Variants in PLCB4 observed in about 807,000 individuals in gnomAD.
PLCB4 encodes the protein 1-phosphatidylinositol 4,5-bisphosphate phosphodiesterase beta-4.
In PLCB4, 77 loss-of-function variants were observed where a neutral mutation model predicts 178.8. The observed-to-expected ratio is 0.43, with a 90% CI of 0.36 to 0.52. The LOEUF (loss-of-function observed/expected upper bound fraction) is 0.52, where lower values mean the gene tolerates loss of function less well. Among genes scored for constraint, PLCB4 ranks in the 20% least tolerant of loss-of-function variants. The probability of loss-of-function intolerance (pLI) is 0.00; values close to 1 mark genes in which losing one functional copy is unlikely to be tolerated. For missense variants in PLCB4, 1,024 were observed against 1,453.4 expected (o/e 0.70, Z 4.80); for synonymous variants, 496 against 490.8 (o/e 1.01, Z -0.14).
intron 28 of PLCB4, among the ~76,000 whole-genome samples, chr20:9,431,947 T>A (rs1346124651): frequency 6.6e-6 from 1 of 152,228 alleles, no homozygotes; most frequent in African/African-American, 2.4e-5. Flanking sequence ...AACTAAACCA[T>A]TAACTTTCTG....
intron 38 of PLCB4, 84 bp downstream of exon 38, chr20:9,473,449 C>A: frequency 1.5e-6 from 1 of 645,584 alleles, no homozygotes. Flanking sequence ...TGACCAGTGG[C>A]TTGCATATTG....
intron 28 of PLCB4, 112 bp from the exon 29 acceptor site, chr20:9,435,448 T>G: frequency 1.6e-6 from 1 of 633,620 alleles, no homozygotes; most frequent in East Asian, 2.7e-5. Flanking sequence ...GAAAAGATTA[T>G]TAACAGAAAG....
chr20:9,219,540 C>G (rs771200164), intron 3 of PLCB4, among the ~76,000 whole-genome samples: 1 of 152,144 alleles, frequency 6.6e-6, no homozygotes, highest in African/African-American at 2.4e-5. Context: ...AGTGTACTCT[C>G]GTTCTCACCC....
rs1207565676 is a variant in PLCB4, at chr20:9,479,884, C to G, written c.*875C>G. 6.6e-6 allele frequency: 1 copy of G among 152,440 alleles called. No individual in the cohort carries two copies. The highest frequency in any genetic ancestry group is 1.5e-5 in the Non-Finnish European group (1 of 68,018). The allele number at this position is 152,440 out of a possible 1,614,324, so 9.4% of individuals were successfully genotyped here. A position where few individuals can be genotyped will look rare whatever the true frequency, so the allele number is the denominator to read the frequency against. On this transcript the variant is annotated 3_prime_UTR_variant, in exon 40 of 40. Transcript: ENST00000378473. ...ACTAGAACTATGTTTGCATGATACA[C>G]AAGCACCAATAAAGACTAATCCATA...
intron 28 of PLCB4, among the ~76,000 whole-genome samples, chr20:9,434,066 C>T (rs1434552100): frequency 6.6e-6 from 1 of 152,152 alleles, no homozygotes; most frequent in Non-Finnish European, 1.5e-5. Context: ...GAAGGACAAG[C>T]TGTCTACCAA....
chr20:9,134,893 C>T (rs1052819434), intron 2 of PLCB4, among the ~76,000 whole-genome samples: 1 of 152,090 alleles, frequency 6.6e-6, no homozygotes, highest in Admixed American at 6.5e-5. Flanking sequence ...CATTCCATGA[C>T]ACTGTATGTC....
intron 3 of PLCB4, among the ~76,000 whole-genome samples, chr20:9,287,974 G>T (rs2094549217): frequency 6.6e-6 from 1 of 152,014 alleles, no homozygotes. Flanking sequence ...TTGGGTTTTG[G>T]ACTGGCAGTT....
At chr20:9,364,255 T>C (rs2035590299) in intron 8 of PLCB4, among the ~76,000 whole-genome samples, 1 of 152,134 alleles carries the variant, frequency 6.6e-6, no homozygotes, top group Non-Finnish European at 1.5e-5. Flanking sequence ...TCCTAAAGGG[T>C]CAAAAACTTT....
At chr20:9,414,724 G>T (rs1433549962) in intron 25 of PLCB4, among the ~76,000 whole-genome samples, 2 of 152,204 alleles carry the variant, frequency 1.3e-5, no homozygotes, top group African/African-American at 4.8e-5. Context: ...ATGTTACCAG[G>T]AAAGTGAGCA....
intron 4 of PLCB4, among the ~76,000 whole-genome samples, chr20:9,327,082 A>G (rs1345721829): frequency 6.6e-6 from 1 of 152,000 alleles, no homozygotes; most frequent in Admixed American, 6.6e-5. Context: ...TTTGTCTTTG[A>G]TGGTTAATAA....
At chr20:9,395,380 G>A (rs752866494) in intron 18 of PLCB4, 143 bp from the exon 19 acceptor site, 35 of 613,012 alleles carry the variant, frequency 5.7e-5, no homozygotes, top group Middle Eastern at 4.5e-4. Context: ...GATCACTGCT[G>A]AACCTTAGAA....
rs143440956 is a variant in PLCB4, at chr20:9,453,404, T to C, written c.2938T>C (p.Tyr980His). 4 of 1,613,018 alleles carry C rather than the reference T, an allele frequency of 2.5e-6. No homozygotes were observed. The African/African-American group carries it at 4.0e-5, about 16-fold the overall frequency. The stretch of plus-strand genomic sequence containing the variant: ...GCAAGTTGACAAAATTGTGGCACAG[T>C]ATGACAAAGAGAAGTCGACTCATGA... The part of the protein sequence containing the change: ...CTQVDKIVAQ[Y>H]DKEKSTHEKI... Residue 980 changes from tyrosine (Y) to histidine (H), a missense_variant, in exon 33 of 40, where the codon TAT becomes CAT. Physicochemically the swap from Tyr to His is moderately conservative, Grantham distance 83. This residue lies in a region of PLCB4 where 264 missense variants were observed against 283.2 expected (regional missense o/e 0.93). Coordinates refer to ENST00000378473, the MANE Select transcript of PLCB4 (RefSeq NM_001377142.1).
chr20:9,244,771 A>G (rs2094106888), intron 3 of PLCB4, among the ~76,000 whole-genome samples: 1 of 152,214 alleles, frequency 6.6e-6, no homozygotes, highest in African/African-American at 2.4e-5. Flanking sequence ...GTAGGCACCC[A>G]ATTTTGCAGT....
At chr20:9,288,004 C>T (rs568889408) in intron 3 of PLCB4, among the ~76,000 whole-genome samples, 1 of 152,210 alleles carries the variant, frequency 6.6e-6, no homozygotes, top group African/African-American at 2.4e-5. Context: ...GGTTCTATTG[C>T]AGCTCCACCA....
At chr20:9,272,722 G>A (rs577678076) in intron 3 of PLCB4, among the ~76,000 whole-genome samples, 13 of 152,178 alleles carry the variant, frequency 8.5e-5, no homozygotes, top group African/African-American at 3.1e-4. Context: ...GGGTGGGGAC[G>A]TGTGACAAAT....
chr20:9,272,727 A>G (rs1330098051), intron 3 of PLCB4, among the ~76,000 whole-genome samples: 1 of 152,032 alleles, frequency 6.6e-6, no homozygotes, highest in African/African-American at 2.4e-5. Context: ...GGGACGTGTG[A>G]CAAATTTCTT....
chr20:9,068,856 C>G (rs1158835707), upstream of PLCB4: 1 of 150,672 alleles, frequency 6.6e-6, no homozygotes, highest in Non-Finnish European at 1.5e-5. Context: ...GGCGCTGCCC[C>G]GTGGGCTCGC....
intron 3 of PLCB4, among the ~76,000 whole-genome samples, chr20:9,232,935 A>G (rs1434418481): frequency 6.6e-6 from 1 of 152,108 alleles, no homozygotes; most frequent in East Asian, 1.9e-4. Context: ...TTTGGGTTGA[A>G]TGCTTGATGT....
intron 2 of PLCB4, among the ~76,000 whole-genome samples, chr20:9,139,885 A>G (rs2092453303): frequency 6.6e-6 from 1 of 152,078 alleles, no homozygotes; most frequent in Admixed American, 6.6e-5. Flanking sequence ...TGTGGTTGAC[A>G]GGGCCAAGTC....
Sources: allele counts gnomAD v4.1 joint callset (sites outside exome capture counted in the v4.1 genomes callset), GRCh38; gene constraint gnomAD v4.1.1; regional missense constraint gnomAD v4.1.1; transcripts MANE v1.5; gene names NCBI Gene and HGNC (gene_info 2026-07-23, HGNC 2026-07-21).